GPM6A: variants seen among roughly 807,000 people sequenced by gnomAD.
GPM6A encodes neuronal membrane glycoprotein M6-a.
GPM6A carries 7 observed loss-of-function variants against 32.1 expected under a neutral mutation model. The observed-to-expected ratio is 0.22, with a 90% CI of 0.12 to 0.41. The LOEUF (loss-of-function observed/expected upper bound fraction) is 0.41. GPM6A is among the 10% of genes least tolerant of loss of function. The pLI is 1.00. For missense variants in GPM6A, 235 were observed against 347.2 expected, an observed-to-expected ratio of 0.68 and a Z score of 2.57; for synonymous variants, 130 against 123.4, an observed-to-expected ratio of 1.05 and a Z score of -0.35.
intron 3 of GPM6A, among the ~76,000 whole-genome samples, chr4:175,673,265 G>T (rs56876221): frequency 0.046 from 7,009 of 151,900 alleles, 190 homozygotes; most frequent in Non-Finnish European, 0.063. Flanking sequence ...TAAATTAATA[G>T]AAAACAGAAA....
intron 1 of GPM6A, among the ~76,000 whole-genome samples, chr4:175,806,599 A>G (rs1456448285): frequency 6.6e-6 from 1 of 152,268 alleles, no homozygotes; most frequent in East Asian, 1.9e-4. Flanking sequence ...CTAAAATGTT[A>G]TATCTAAACC....
At chr4:175,810,544 C>G (rs1246964562) in intron 1 of GPM6A, among the ~76,000 whole-genome samples, 1 of 152,136 alleles carries the variant, frequency 6.6e-6, no homozygotes, top group Non-Finnish European at 1.5e-5. Context: ...AAAAACATCA[C>G]AACTAATTAC....
intron 1 of GPM6A, among the ~76,000 whole-genome samples, chr4:175,782,634 C>G (rs558901032): frequency 6.6e-6 from 1 of 152,156 alleles, no homozygotes; most frequent in African/African-American, 2.4e-5. Flanking sequence ...ATCCGATTAA[C>G]TAGTAGAAAC....
intron 1 of GPM6A, chr4:175,787,209 T>G: frequency 1.5e-6 from 1 of 662,908 alleles, no homozygotes; most frequent in Non-Finnish European, 2.7e-6. Flanking sequence ...GACATGCCAA[T>G]TAATAAAATT....
Position 175,954,722 on chromosome 4 carries a change from C to T in GPM6A, c.-23+47587G>A, listed in dbSNP as rs547033997. Reference sequence around the variant, plus strand: ...TTAGCCTTTGTAGTCCAGCTACATCCCTTTCACAGGGCCTCATATCTGTCT... The same window carrying T: ...TTAGCCTTTGTAGTCCAGCTACATCTCTTTCACAGGGCCTCATATCTGTCT... On this transcript the variant is annotated intron_variant, in intron 1 of 7. Coordinates refer to the GPM6A transcript ENST00000280187. 2.6e-5 allele frequency among the ~76,000 whole-genome samples: 4 copies of T among 152,288 alleles called. No homozygotes were observed. The South Asian group carries it at 8.3e-4, about 32-fold the overall frequency.
At chr4:175,800,530 C>T (rs947396230) in intron 1 of GPM6A, among the ~76,000 whole-genome samples, 4 of 152,080 alleles carry the variant, frequency 2.6e-5, no homozygotes, top group African/African-American at 9.7e-5. Flanking sequence ...TTTCCCATAC[C>T]AACACTTAAT....
chr4:175,989,081 CA>C, intron 1 of GPM6A, among the ~76,000 whole-genome samples: 1 of 152,216 alleles, frequency 6.6e-6, no homozygotes, highest in South Asian at 2.1e-4. Flanking sequence ...TTCTTATACA[CA>C]TTTGCATCTA....
chr4:175,795,598 A>T (rs983111015), intron 1 of GPM6A, among the ~76,000 whole-genome samples: 1 of 152,000 alleles, frequency 6.6e-6, no homozygotes, highest in Admixed American at 6.6e-5. Context: ...AAAACTTTTT[A>T]AAAGTTAGCT....
chr4:175,658,321 A>G (rs895327804), intron 3 of GPM6A, among the ~76,000 whole-genome samples: 8 of 152,126 alleles, frequency 5.3e-5, no homozygotes, highest in African/African-American at 1.9e-4. Context: ...ACAATCTGAA[A>G]AGGTCATTCA....
chr4:175,690,104 C>T (rs1190135232), intron 2 of GPM6A, among the ~76,000 whole-genome samples: 1 of 152,166 alleles, frequency 6.6e-6, no homozygotes, highest in Non-Finnish European at 1.5e-5. Context: ...AGGTATTGGT[C>T]TGTAAATTAC....
intron 1 of GPM6A, chr4:175,787,462 T>C: frequency 1.3e-6 from 2 of 1,498,152 alleles, no homozygotes; most frequent in East Asian, 2.5e-5. Flanking sequence ...TGTTCTGAGA[T>C]TTTTTCTAAA....
chr4:175,752,303 C>G (rs1732366844), intron 1 of GPM6A, among the ~76,000 whole-genome samples: 1 of 152,096 alleles, frequency 6.6e-6, no homozygotes, highest in Non-Finnish European at 1.5e-5. Flanking sequence ...TCCTTTTGGC[C>G]TTCCTGTGAC....
intron 1 of GPM6A, among the ~76,000 whole-genome samples, chr4:175,854,608 T>C (rs932441391): frequency 2.6e-5 from 4 of 152,198 alleles, no homozygotes; most frequent in African/African-American, 9.6e-5. Context: ...TATAATTGCC[T>C]TGTTACTGCC....
At chr4:175,904,445 CACAT>C (rs1738065685) in intron 1 of GPM6A, among the ~76,000 whole-genome samples, 1 of 152,114 alleles carries the variant, frequency 6.6e-6, no homozygotes, top group African/African-American at 2.4e-5. Context: ...CATATACACA[CACAT>C]ATATATACAC....
chr4:175,834,124 G>A (rs559082243), intron 1 of GPM6A, among the ~76,000 whole-genome samples: 1 of 150,506 alleles, frequency 6.6e-6, no homozygotes, highest in South Asian at 2.2e-4. Flanking sequence ...ACCCAACCGA[G>A]AGAGATGTGT....
chr4:175,803,424 C>T (rs1021687878), intron 1 of GPM6A, among the ~76,000 whole-genome samples: 6 of 152,114 alleles, frequency 3.9e-5, no homozygotes, highest in Admixed American at 2.6e-4. Flanking sequence ...AATTCTGACT[C>T]TCTGACTCAA....
chr4:175,742,552 G>A (rs1346802640), intron 1 of GPM6A, among the ~76,000 whole-genome samples: 1 of 152,026 alleles, frequency 6.6e-6, no homozygotes, highest in East Asian at 1.9e-4. Flanking sequence ...ATTCAGAAAA[G>A]AATACAGAAG....
chr4:175,868,849 C>G (rs954639804), intron 1 of GPM6A, among the ~76,000 whole-genome samples: 3 of 152,264 alleles, frequency 2.0e-5, no homozygotes, highest in Admixed American at 6.5e-5. Context: ...TTTCATTCAT[C>G]CTTTTCTGTT....
At chr4:175,877,658 C>A (rs1208472273) in intron 1 of GPM6A, among the ~76,000 whole-genome samples, 1 of 152,146 alleles carries the variant, frequency 6.6e-6, no homozygotes, top group Non-Finnish European at 1.5e-5. Context: ...CACCTGGTCC[C>A]ACCCTTGACA....
Sources: allele counts gnomAD v4.1 joint callset (sites outside exome capture counted in the v4.1 genomes callset), GRCh38; gene constraint gnomAD v4.1.1; transcripts MANE v1.5; gene names NCBI Gene and HGNC (gene_info 2026-07-23, HGNC 2026-07-21).